LRPPRC: variants seen among roughly 807,000 people sequenced by gnomAD.
The protein encoded by LRPPRC is leucine rich pentatricopeptide repeat containing.
Under a neutral mutation model 180.3 loss-of-function variants are expected in LRPPRC, and 120 were observed. That is an observed-to-expected ratio of 0.67 (90% CI 0.57 to 0.77). The LOEUF is 0.77. LRPPRC is among the 30% of genes least tolerant of loss of function. The pLI, the probability that LRPPRC is intolerant of heterozygous loss-of-function variation, is 0.00. For missense variants in LRPPRC, 2,012 were observed against 1,657.2 expected (o/e 1.21, Z -3.72); for synonymous variants, 723 against 600.0 (o/e 1.21, Z -3.00).
At chr2:43,953,413 A>G (rs937769513) in intron 14 of LRPPRC, among the ~76,000 whole-genome samples, 5 of 152,230 alleles carry the variant, frequency 3.3e-5, no homozygotes, top group Non-Finnish European at 7.3e-5. Flanking sequence ...CCTGGAAGGA[A>G]TCCGCTTAAA....
intron 23 of LRPPRC, among the ~76,000 whole-genome samples, chr2:43,941,684 C>A (rs974352527): frequency 4.0e-5 from 6 of 151,770 alleles, no homozygotes; most frequent in Middle Eastern, 3.2e-3. Context: ...CCCCTGACTA[C>A]GAATGTTTCT....
At chr2:43,990,941 G>A (rs894017365) in intron 1 of LRPPRC, among the ~76,000 whole-genome samples, 15 of 151,748 alleles carry the variant, frequency 9.9e-5, no homozygotes, top group Non-Finnish European at 2.1e-4. Flanking sequence ...CACCTCCCGG[G>A]TTCAAGCAAT....
At chr2:43,927,342 C>G (rs953478280) in intron 25 of LRPPRC, among the ~76,000 whole-genome samples, 2 of 152,162 alleles carry the variant, frequency 1.3e-5, no homozygotes, top group Non-Finnish European at 2.9e-5. Context: ...AAACTAACAT[C>G]TTGCAGCTTT....
chr2:43,995,632 C>T (rs1303666076), intron 1 of LRPPRC, 167 bp downstream of exon 1: 3 of 610,434 alleles, frequency 4.9e-6, no homozygotes, highest in Non-Finnish European at 7.5e-6. Flanking sequence ...TTAACCCTGT[C>T]ACCCGAAAAC....
At chr2:43,961,251 C>G (rs1673334632) in intron 12 of LRPPRC, among the ~76,000 whole-genome samples, 1 of 151,928 alleles carries the variant, frequency 6.6e-6, no homozygotes, top group South Asian at 2.1e-4. Flanking sequence ...CATCATGAAA[C>G]AAATATGAGA....
intron 31 of LRPPRC, among the ~76,000 whole-genome samples, chr2:43,904,086 G>C (rs1670980687): frequency 6.6e-6 from 1 of 152,054 alleles, no homozygotes; most frequent in Non-Finnish European, 1.5e-5. Flanking sequence ...AGAACTACAG[G>C]TGCACATTAC....
rs199559591 is a variant in LRPPRC at position 43,899,262 on chromosome 2, A to C, written c.3782T>G (p.Leu1261Arg). Residue 1261 changes from leucine (L) to arginine (R), a missense_variant, in exon 34 of 38, where the codon CTT (leucine) becomes CGT (arginine). By Grantham distance (102) the Leu-to-Arg change is moderately radical. Transcript: ENST00000260665. ...ATCATCCACCTTGCCTGCATCCACA[A>C]GTTGAAGGAAAAAATCAGTGACAGG... The part of the protein sequence containing the change: ...YKPVTDFFLQ[L>R]VDAGKVDDAR... 1 of 1,614,150 alleles carries C rather than the reference A, an allele frequency of 6.2e-7. No homozygotes were observed. The highest frequency in any genetic ancestry group is 1.3e-5 in the African/African-American group (1 of 75,038).
intron 13 of LRPPRC, among the ~76,000 whole-genome samples, chr2:43,958,151 A>G (rs1486922784): frequency 6.6e-6 from 1 of 152,210 alleles, no homozygotes; most frequent in Non-Finnish European, 1.5e-5. Flanking sequence ...GACTCTTCAC[A>G]TAACCCTTGC....
chr2:43,995,962 C>G lies in LRPPRC; in HGVS notation c.-15G>C, dbSNP rs866394515. On this transcript the variant is annotated 5_prime_UTR_variant, in exon 1 of 38. Transcript: ENST00000260665. ...AGGGCTGCCATTGCTCGAACGTCCC[C>G]GCAGCGGGAAGCACGCTCCGCCAGA... The G allele has an allele frequency of 5.9e-6, 9 of 1,524,028 alleles. No homozygotes were observed. The highest frequency in any genetic ancestry group is 2.1e-4 in the Middle Eastern group (1 of 4,848). 94.4% of individuals were successfully genotyped at this position (1,524,028 alleles called of 1,614,324 possible). A position where few individuals can be genotyped will look rare whatever the true frequency, so the allele number is the denominator to read the frequency against.
chr2:43,934,353 G>A, intron 24 of LRPPRC, 57 bp from the exon 25 acceptor site: 2 of 802,550 alleles, frequency 2.5e-6, no homozygotes, highest in East Asian at 2.6e-5. Flanking sequence ...CAGAAAAACA[G>A]TATCATATGA....
At chr2:43,896,737 G>A (rs1483963457) in intron 34 of LRPPRC, 29 bp from the exon 35 acceptor site, 3 of 1,285,522 alleles carry the variant, frequency 2.3e-6, no homozygotes, top group Non-Finnish European at 3.4e-6. Context: ...TTCAGTAAGT[G>A]AAGGTTTCTG....
At chr2:43,989,434 G>A (rs917282174) in intron 1 of LRPPRC, among the ~76,000 whole-genome samples, 12 of 152,188 alleles carry the variant, frequency 7.9e-5, no homozygotes, top group Non-Finnish European at 1.6e-4. Context: ...CACCTATGGA[G>A]GAAGTAATGC....
At chr2:43,953,417 G>A (rs1055926953) in intron 14 of LRPPRC, among the ~76,000 whole-genome samples, 5 of 152,154 alleles carry the variant, frequency 3.3e-5, no homozygotes, top group Non-Finnish European at 5.9e-5. Context: ...GAAGGAATCC[G>A]CTTAAACTTA....
chr2:43,936,118 G>C (rs911304097), intron 23 of LRPPRC, among the ~76,000 whole-genome samples: 3 of 151,860 alleles, frequency 2.0e-5, no homozygotes, highest in Non-Finnish European at 4.4e-5. Flanking sequence ...AAGAACTATA[G>C]AGATTATATG....
intron 27 of LRPPRC, among the ~76,000 whole-genome samples, chr2:43,920,100 A>C (rs981941480): frequency 2.6e-5 from 4 of 151,552 alleles, no homozygotes; most frequent in African/African-American, 7.3e-5. Flanking sequence ...AAAAAAAAAA[A>C]AACTTAGAGA....
intron 30 of LRPPRC, among the ~76,000 whole-genome samples, chr2:43,906,091 C>T (rs1671058764): frequency 6.6e-6 from 1 of 151,920 alleles, no homozygotes; most frequent in South Asian, 2.1e-4. Flanking sequence ...CTGCGTGCCC[C>T]GCATTGTTCT....
chr2:43,991,036 T>A lies in LRPPRC; in HGVS notation c.149+4763A>T, dbSNP rs1217919004. ...AACTTATGTATAGATACTTTTATTT[T>A]TTTTTTTTTTTGAGATGGGGTCTCA... On this transcript the variant is annotated intron_variant, in intron 1 of 37. Coordinates refer to ENST00000260665, the MANE Select transcript of LRPPRC (RefSeq NM_133259.4). Among the ~76,000 whole-genome samples the A allele has an allele frequency of 2.1e-4, 31 of 149,226 alleles. 1 individual carries two copies. The East Asian group carries it at 4.1e-3, about 20-fold the overall frequency.
At chr2:43,919,481 T>C (rs1310976411) in intron 27 of LRPPRC, among the ~76,000 whole-genome samples, 2 of 152,226 alleles carry the variant, frequency 1.3e-5, no homozygotes, top group African/African-American at 4.8e-5. Flanking sequence ...GTGTGATACA[T>C]GGAATCTTCT....
intron 25 of LRPPRC, among the ~76,000 whole-genome samples, chr2:43,929,581 A>G (rs1672011453): frequency 6.6e-6 from 1 of 152,160 alleles, no homozygotes; most frequent in African/African-American, 2.4e-5. Flanking sequence ...ATCTCCAAAA[A>G]CTTTTCCAGT....
Sources: allele counts gnomAD v4.1 joint callset (sites outside exome capture counted in the v4.1 genomes callset), GRCh38; gene constraint gnomAD v4.1.1; transcripts MANE v1.5; gene names NCBI Gene and HGNC (gene_info 2026-07-23, HGNC 2026-07-21).